Variants in ARID5B observed in about 807,000 individuals in gnomAD.
ARID5B encodes the protein AT-rich interactive domain-containing protein 5B.
Under a neutral mutation model 97.2 loss-of-function variants are expected in ARID5B, and 13 were observed. That is an observed-to-expected ratio of 0.13 (90% CI 0.09 to 0.21). The LOEUF is 0.21. Among genes scored for constraint, ARID5B ranks in the 10% least tolerant of loss-of-function variants. The pLI is 1.00. For synonymous variants in ARID5B, 556 were observed against 570.3 expected, an observed-to-expected ratio of 0.97 and a Z score of 0.36; for missense variants, 1,210 against 1,465.3, an observed-to-expected ratio of 0.83 and a Z score of 2.84.
At chr10:62,074,042 A>T (rs1840097514) in intron 8 of ARID5B, among the ~76,000 whole-genome samples, 1 of 152,152 alleles carries the variant, frequency 6.6e-6, no homozygotes, top group Non-Finnish European at 1.5e-5. Flanking sequence ...TCACATGCAG[A>T]TTTCCCTTTT....
intron 7 of ARID5B, among the ~76,000 whole-genome samples, chr10:62,061,059 C>T (rs1839915359): frequency 6.6e-6 from 1 of 152,184 alleles, no homozygotes; most frequent in African/African-American, 2.4e-5. Flanking sequence ...AGCAAAACAC[C>T]TGACCACATA....
At chr10:61,939,803 A>G (rs1283346674) in intron 2 of ARID5B, among the ~76,000 whole-genome samples, 2 of 152,222 alleles carry the variant, frequency 1.3e-5, no homozygotes, top group Admixed American at 6.5e-5. Flanking sequence ...CAGGCTCACC[A>G]TTAGTCATCT....
chr10:61,955,631 C>T (rs1165727637), intron 3 of ARID5B, among the ~76,000 whole-genome samples: 1 of 152,032 alleles, frequency 6.6e-6, no homozygotes, highest in Non-Finnish European at 1.5e-5. Flanking sequence ...CTTCAATGCC[C>T]TTTGCAGAAA....
chr10:61,920,675 C>T (rs562077511), intron 2 of ARID5B, among the ~76,000 whole-genome samples: 1 of 152,024 alleles, frequency 6.6e-6, no homozygotes, highest in Non-Finnish European at 1.5e-5. Flanking sequence ...TAGTTAAGGG[C>T]ATAACATAAT....
intron 4 of ARID5B, chr10:62,047,008 G>A (rs1180924053): frequency 6.0e-5 from 9 of 149,924 alleles, no homozygotes; most frequent in Non-Finnish European, 1.2e-4. Flanking sequence ...GTGTCTGTGT[G>A]TGTGTGTGTG....
intron 3 of ARID5B, among the ~76,000 whole-genome samples, chr10:61,976,191 A>G (rs76983655): frequency 4.6e-5 from 7 of 152,240 alleles, no homozygotes; most frequent in Non-Finnish European, 1.0e-4. Flanking sequence ...CTGGCTACAC[A>G]TGGCTGTTGA....
Position 62,095,371 on chromosome 10 carries a change from C to CA in ARID5B, c.*2351dup, listed in dbSNP as rs1253892998. On this transcript the variant is annotated 3_prime_UTR_variant, in exon 10 of 10. Coordinates refer to ENST00000279873, the MANE Select transcript of ARID5B (RefSeq NM_032199.3). ...ATGTGGTTTCTATGAGTTCGTGTCT[C>CA]AAAAAAAAAAGGAGGGGGGGCATCT... 575 of 199,916 alleles carry CA rather than the reference C, an allele frequency of 2.9e-3. No homozygotes were observed. Among genetic ancestry groups the CA allele is most frequent in the Middle Eastern group, 0.017 (11 of 642 alleles). 12.4% of individuals were successfully genotyped at this position (199,916 alleles called of 1,614,324 possible).
intron 3 of ARID5B, among the ~76,000 whole-genome samples, chr10:61,977,635 T>G (rs2132841329): frequency 6.6e-6 from 1 of 152,384 alleles, no homozygotes; most frequent in African/African-American, 2.4e-5. Flanking sequence ...TTCATGTGTC[T>G]GTTGGCTGTA....
chr10:62,096,743 C>A lies in ARID5B; in HGVS notation c.*3713C>A, dbSNP rs1840476340. 1 of 233,378 alleles carries A rather than the reference C, an allele frequency of 4.3e-6. No homozygotes were observed. The allele number at this position is 233,378 out of a possible 1,614,324, so 14.5% of individuals were successfully genotyped here. A position where few individuals can be genotyped will look rare whatever the true frequency, so the allele number is the denominator to read the frequency against. On this transcript the variant is annotated 3_prime_UTR_variant, in exon 10 of 10. Coordinates refer to ENST00000279873, the MANE Select transcript of ARID5B (RefSeq NM_032199.3). Reference sequence around the variant, plus strand: ...TCCCAATGGAGAGGTTATTGAGTAACCTTTGCATTAGTTTAAACACTACCA... The same window carrying A: ...TCCCAATGGAGAGGTTATTGAGTAAACTTTGCATTAGTTTAAACACTACCA...
intron 7 of ARID5B, 142 bp downstream of exon 7, chr10:62,059,437 C>T (rs1450504744): frequency 1.9e-5 from 12 of 629,620 alleles, no homozygotes; most frequent in Admixed American, 3.1e-5. Flanking sequence ...TTTATTGGGC[C>T]GCTTTGGAAA....
At chr10:61,936,404 G>A (rs1044573905) in intron 2 of ARID5B, among the ~76,000 whole-genome samples, 3 of 152,226 alleles carry the variant, frequency 2.0e-5, no homozygotes, top group Non-Finnish European at 4.4e-5. Context: ...GATCACCAGA[G>A]GTCAGGAGTT....
intron 3 of ARID5B, among the ~76,000 whole-genome samples, chr10:61,957,466 A>G (rs991255296): frequency 2.6e-5 from 4 of 152,148 alleles, no homozygotes; most frequent in Non-Finnish European, 5.9e-5. Context: ...ACAGGGTTTC[A>G]CCATTTTGGC....
chr10:62,045,537 G>A (rs908091765), intron 4 of ARID5B, among the ~76,000 whole-genome samples: 2 of 149,794 alleles, frequency 1.3e-5, no homozygotes, highest in African/African-American at 4.9e-5. Flanking sequence ...CACAACCACC[G>A]CCTCCCGGGT....
intron 3 of ARID5B, among the ~76,000 whole-genome samples, chr10:61,993,130 C>CAA (rs1233544167): frequency 1.3e-5 from 2 of 149,018 alleles, no homozygotes; most frequent in Non-Finnish European, 2.9e-5. Flanking sequence ...TACACACACA[C>CAA]ACACACACAC....
intron 2 of ARID5B, among the ~76,000 whole-genome samples, chr10:61,936,231 T>G (rs983176484): frequency 1.3e-5 from 2 of 152,268 alleles, no homozygotes; most frequent in African/African-American, 4.8e-5. Context: ...TAAAACTTGC[T>G]ATATCTCCTA....
At chr10:61,986,210 C>A (rs1208789853) in intron 3 of ARID5B, among the ~76,000 whole-genome samples, 1 of 152,054 alleles carries the variant, frequency 6.6e-6, no homozygotes, top group Non-Finnish European at 1.5e-5. Context: ...GCTGGATGAC[C>A]TTGGGCAAGT....
At chr10:62,071,744 T>C in intron 8 of ARID5B, among the ~76,000 whole-genome samples, 1 of 152,172 alleles carries the variant, frequency 6.6e-6, no homozygotes, top group Non-Finnish European at 1.5e-5. Context: ...TTAGTAGATA[T>C]ACCACAAACT....
chr10:61,914,351 A>G (rs1419805596), intron 2 of ARID5B, among the ~76,000 whole-genome samples: 2 of 152,216 alleles, frequency 1.3e-5, no homozygotes, highest in Admixed American at 1.3e-4. Flanking sequence ...TTAAAGGAGC[A>G]GTTAAAGTGA....
At chr10:61,928,833 C>T (rs1844153682) in intron 2 of ARID5B, among the ~76,000 whole-genome samples, 2 of 152,172 alleles carry the variant, frequency 1.3e-5, no homozygotes, top group African/African-American at 2.4e-5. Flanking sequence ...TAGTGTGAAA[C>T]CTTTTTACTC....
Sources: gnomAD v4.1 joint callset for allele counts (sites outside exome capture counted in the v4.1 genomes callset) on GRCh38, gnomAD v4.1.1 for gene constraint, MANE v1.5 for transcripts, NCBI Gene and HGNC (gene_info 2026-07-23, HGNC 2026-07-21) for gene names.